The following EPB41L3 variants were observed in gnomAD, a reference collection of about 807,000 sequenced individuals.
The protein encoded by EPB41L3 is erythrocyte membrane protein band 4.1 like 3, also known as band 4.1-like protein 3.
A neutral mutation model predicts 127.1 loss-of-function variants in EPB41L3; 57 were observed. The ratio of observed to expected loss-of-function variants is 0.45; its 90% CI spans 0.36 to 0.56. The LOEUF is 0.56. EPB41L3 is among the 20% of genes least tolerant of loss of function. The pLI is 0.00. For synonymous variants in EPB41L3, 572 were observed against 549.5 expected, an observed-to-expected ratio of 1.04 and a Z score of -0.57; for missense variants, 1,273 against 1,372.2, an observed-to-expected ratio of 0.93 and a Z score of 1.14.
Position 5,449,088 on chromosome 18 carries a change from G to A in EPB41L3, c.382-3844C>T, listed in dbSNP as rs533343580. On this transcript the variant is annotated intron_variant, in intron 3 of 22. Transcript: ENST00000341928. ...CTGGCTGAAAATATTTGCAAAACACGTATCTGATAAAGAACTGGTACCCAA... is the reference window on the plus strand; with the variant it reads ...CTGGCTGAAAATATTTGCAAAACACATATCTGATAAAGAACTGGTACCCAA... Among the ~76,000 whole-genome samples, 6 of 152,190 alleles carry A rather than the reference G, an allele frequency of 3.9e-5. No individual in the cohort carries two copies. The South Asian group carries it at 8.3e-4, about 21-fold the overall frequency.
chr18:5,444,855 C>T (rs955911927), intron 4 of EPB41L3, among the ~76,000 whole-genome samples: 3 of 152,088 alleles, frequency 2.0e-5, no homozygotes, highest in East Asian at 1.9e-4. Flanking sequence ...AACCCCACCC[C>T]GGCAAAAGGA....
upstream of EPB41L3, among the ~76,000 whole-genome samples, chr18:5,630,143 C>T (rs538496247): frequency 1.8e-4 from 28 of 152,292 alleles, no homozygotes; most frequent in African/African-American, 6.7e-4. Flanking sequence ...CCTCTGTCCC[C>T]CTCAAAGCAC....
At chr18:5,411,824 A>T (rs778460163) in intron 13 of EPB41L3, among the ~76,000 whole-genome samples, 5 of 152,168 alleles carry the variant, frequency 3.3e-5, no homozygotes, top group Non-Finnish European at 7.3e-5. Flanking sequence ...ATTTCTTGGC[A>T]CTAGCCACAT....
chr18:5,395,787 TACG>T, intron 19 of EPB41L3, 80 bp from the exon 20 acceptor site: 3 of 1,066,030 alleles, frequency 2.8e-6, no homozygotes, highest in Non-Finnish European at 4.3e-6. Flanking sequence ...TTTAAGGCAT[TACG>T]ACAATTTCAC....
At chr18:5,435,614 G>A (rs1169761099) in intron 6 of EPB41L3, among the ~76,000 whole-genome samples, 1 of 152,140 alleles carries the variant, frequency 6.6e-6, no homozygotes, top group Non-Finnish European at 1.5e-5. Context: ...CTTTGTGCAA[G>A]TCCACTCTTA....
intron 1 of EPB41L3, among the ~76,000 whole-genome samples, chr18:5,623,643 T>C (rs1174600161): frequency 7.1e-6 from 1 of 141,340 alleles, no homozygotes; most frequent in African/African-American, 2.8e-5. Flanking sequence ...GACATGGCTT[T>C]ATCTTTTCAT....
chr18:5,602,108 T>C (rs1599239219), intron 3 of EPB41L3, among the ~76,000 whole-genome samples: 2 of 152,158 alleles, frequency 1.3e-5, no homozygotes, highest in South Asian at 4.1e-4. Context: ...CCTTAAACTC[T>C]GTATATTTTC....
intron 1 of EPB41L3, among the ~76,000 whole-genome samples, chr18:5,490,251 T>C (rs893200091): frequency 3.3e-5 from 5 of 152,206 alleles, no homozygotes; most frequent in African/African-American, 1.2e-4. Flanking sequence ...CAAGTACAAA[T>C]ATCTCATTAT....
chr18:5,488,005 A>G (rs1273868610), intron 2 of EPB41L3, among the ~76,000 whole-genome samples: 2 of 152,160 alleles, frequency 1.3e-5, no homozygotes, highest in African/African-American at 4.8e-5. Context: ...ACCACATACA[A>G]ATCGGCACTC....
chr18:5,429,630 T>A (rs776394595), intron 8 of EPB41L3, among the ~76,000 whole-genome samples: 1 of 152,228 alleles, frequency 6.6e-6, no homozygotes, highest in African/African-American at 2.4e-5. Flanking sequence ...CTCTGGGACA[T>A]GTAAGTTTGC....
chr18:5,600,079 A>G (rs948955508), intron 3 of EPB41L3, among the ~76,000 whole-genome samples: 2 of 152,214 alleles, frequency 1.3e-5, no homozygotes, highest in African/African-American at 4.8e-5. Flanking sequence ...GATTCAATAT[A>G]AAAACTTTCA....
intron 2 of EPB41L3, among the ~76,000 whole-genome samples, chr18:5,484,121 A>AC (rs2089252805): frequency 9.0e-5 from 10 of 110,500 alleles, no homozygotes; most frequent in East Asian, 2.7e-4. Context: ...AAAAAAAAAA[A>AC]CAGAAAAAAA....
intron 1 of EPB41L3, among the ~76,000 whole-genome samples, chr18:5,529,959 T>C (rs2093358932): frequency 6.6e-6 from 1 of 151,856 alleles, no homozygotes; most frequent in Non-Finnish European, 1.5e-5. Flanking sequence ...TGTGTGTGTG[T>C]GTATCTCAGG....
At chr18:5,541,466 T>G (rs1195486775) in intron 1 of EPB41L3, among the ~76,000 whole-genome samples, 2 of 151,776 alleles carry the variant, frequency 1.3e-5, no homozygotes, top group African/African-American at 4.9e-5. Flanking sequence ...AGCAAGTTCC[T>G]GCCACACTTA....
At chr18:5,411,714 T>A (rs1215020737) in intron 13 of EPB41L3, among the ~76,000 whole-genome samples, 1 of 147,598 alleles carries the variant, frequency 6.8e-6, no homozygotes, top group Middle Eastern at 3.4e-3. Context: ...GTGAATCTGG[T>A]TCTTAAAATA....
intron 2 of EPB41L3, chr18:5,479,639 AGTCTT>A (rs1426141848): frequency 6.6e-6 from 1 of 152,168 alleles, no homozygotes; most frequent in Non-Finnish European, 1.5e-5. Flanking sequence ...TTCAAGGCAA[AGTCTT>A]GAGAACTTCT....
chr18:5,611,865 G>A (rs2094729531), intron 3 of EPB41L3, among the ~76,000 whole-genome samples: 1 of 152,118 alleles, frequency 6.6e-6, no homozygotes, highest in Non-Finnish European at 1.5e-5. Flanking sequence ...AAGCTGATGT[G>A]TGAGGATCAC....
rs2093782701 is a variant in EPB41L3, at chr18:5,543,061, TG to T, written c.-12+851del. On this transcript the variant is annotated intron_variant, in intron 1 of 22. Transcript: ENST00000341928. This position sits in a 1 kb window ranked among gnomAD's most constrained non-coding sequence, Gnocchi z 5.2. The stretch of plus-strand genomic sequence containing the variant: ...GAATCGCGGCCCCGAGGGCGCCAGG[TG>T]AGTCGCGCCGCCCCGAGCCCCCGGG... Among the ~76,000 whole-genome samples the T allele has an allele frequency of 2.0e-5, 3 of 151,822 alleles. No individual in the cohort carries two copies. In the South Asian group the frequency reaches 6.2e-4, roughly 31 times the overall value.
At chr18:5,438,006 TG>T (rs2145995711) in intron 6 of EPB41L3, 28 bp downstream of exon 6, 2 of 1,604,964 alleles carry the variant, frequency 1.2e-6, no homozygotes, top group East Asian at 4.5e-5. Flanking sequence ...CCAATATGCT[TG>T]TCTTTTGCAT....
Sources: gnomAD v4.1 joint callset for allele counts (sites outside exome capture counted in the v4.1 genomes callset) on GRCh38, gnomAD v4.1.1 for gene constraint, Gnocchi (gnomAD v3.1) non-coding constraint, MANE v1.5 for transcripts, NCBI Gene and HGNC (gene_info 2026-07-23, HGNC 2026-07-21) for gene names.